Variants in YTHDF3 observed in about 807,000 individuals in gnomAD.
YTHDF3 encodes YTH domain-containing family protein 3.
A neutral mutation model predicts 52.5 loss-of-function variants in YTHDF3; 9 were observed. The ratio of observed to expected loss-of-function variants is 0.17; its 90% confidence interval spans 0.10 to 0.30. YTHDF3 has a LOEUF of 0.30. Among genes scored for constraint, YTHDF3 ranks in the 10% least tolerant of loss-of-function variants. The pLI is 1.00. For missense variants in YTHDF3, 534 were observed against 715.0 expected, an observed-to-expected ratio of 0.75 and a Z score of 2.89; for synonymous variants, 274 against 243.3, an observed-to-expected ratio of 1.13 and a Z score of -1.18.
chr8:63,187,401 C>T lies in YTHDF3; in HGVS notation c.1390C>T (p.Leu464Phe), dbSNP rs1460389250. 3 of 1,613,998 alleles carry T rather than the reference C, an allele frequency of 1.9e-6. No homozygotes were observed. Among genetic ancestry groups the T allele is most frequent in the Non-Finnish European group, 2.5e-6 (3 of 1,179,896 alleles). The change falls in exon 4 of 5, where the codon CTC becomes TTC. Residue 464 changes from leucine (L) to phenylalanine (F), a missense_variant. This residue lies in a region of YTHDF3 where 135 missense variants were observed against 214.2 expected (regional missense o/e 0.63). Coordinates refer to ENST00000539294, the MANE Select transcript of YTHDF3 (RefSeq NM_152758.6). ...GAATGGGAAAGGCCCACTCTATTTA[C>T]TCTTCAGTGTGAATGGCAGTGGACA... Reference protein sequence around the residue: ...SLNGKGPLYLLFSVNGSGHFC... With the variant: ...SLNGKGPLYLFFSVNGSGHFC...
Position 63,211,253 on chromosome 8 carries a change from C to T in YTHDF3, c.*1547C>T, listed in dbSNP as rs931642825. The T allele has an allele frequency of 2.0e-5, 3 of 152,224 alleles. No individual in the cohort carries two copies. The highest frequency in any genetic ancestry group is 4.4e-5 in the Non-Finnish European group (3 of 67,946). The allele number at this position is 152,224 out of a possible 1,614,324, so 9.4% of individuals were successfully genotyped here. ...AAAAAAATACAGTATTTGTAGATAA[C>T]CATAGCTACTACACAGTTCTTCGGT... On this transcript the variant is annotated 3_prime_UTR_variant, in exon 5 of 5. Coordinates refer to ENST00000539294, the MANE Select transcript of YTHDF3 (RefSeq NM_152758.6).
intron 4 of YTHDF3, among the ~76,000 whole-genome samples, chr8:63,194,883 A>G (rs1809137228): frequency 6.6e-6 from 1 of 152,224 alleles, no homozygotes; most frequent in Non-Finnish European, 1.5e-5. Context: ...TGAGGTCTAT[A>G]GTTACCGTAT....
intron 4 of YTHDF3, among the ~76,000 whole-genome samples, chr8:63,193,734 G>C (rs1233547392): frequency 6.6e-6 from 1 of 152,008 alleles, no homozygotes; most frequent in Admixed American, 6.6e-5. Context: ...GAATATAAAG[G>C]CTTACGAAAA....
intron 2 of YTHDF3, among the ~76,000 whole-genome samples, chr8:63,170,861 C>T (rs1213219548): frequency 6.6e-6 from 1 of 152,116 alleles, no homozygotes; most frequent in Non-Finnish European, 1.5e-5. Flanking sequence ...AAAATAGAGC[C>T]TCTACAGCAC....
intron 2 of YTHDF3, among the ~76,000 whole-genome samples, chr8:63,174,854 A>C (rs1807580497): frequency 6.6e-6 from 1 of 152,228 alleles, no homozygotes; most frequent in African/African-American, 2.4e-5. Flanking sequence ...TAAGACATTT[A>C]CTATAACAAA....
At chr8:63,199,941 A>G (rs894168674) in intron 4 of YTHDF3, among the ~76,000 whole-genome samples, 1 of 152,142 alleles carries the variant, frequency 6.6e-6, no homozygotes, top group Non-Finnish European at 1.5e-5. Flanking sequence ...TGTCTCAGTT[A>G]TTTACGACTG....
At position 63,168,750 on chromosome 8, in the gene YTHDF3, T is replaced by C; in HGVS notation, c.-128T>C. The C allele has an allele frequency of 6.5e-7, 1 of 1,540,298 alleles. No individual in the cohort carries two copies. Among genetic ancestry groups the C allele is most frequent in the East Asian group, 2.5e-5 (1 of 40,220 alleles). ...AGCGCGAGGCCCTCATTTTGGGTTCTCAGCGAACGGCGGCAGCGGCGGCGG... is the reference window on the plus strand; with the variant it reads ...AGCGCGAGGCCCTCATTTTGGGTTCCCAGCGAACGGCGGCAGCGGCGGCGG... On this transcript the variant is annotated 5_prime_UTR_variant, in exon 1 of 5. Transcript: ENST00000539294.
At chr8:63,169,962 G>A (rs552740375) in intron 2 of YTHDF3, among the ~76,000 whole-genome samples, 8 of 152,258 alleles carry the variant, frequency 5.3e-5, no homozygotes, top group African/African-American at 1.4e-4. Flanking sequence ...ACTCTATCTG[G>A]TATTTTATAA....
chr8:63,209,836 GT>G lies in YTHDF3; in HGVS notation c.*132del. ...ACATCTTTGAACACTTTAACACAAA[GT>G]TGACTCTTCTCGTAATGGTTTTCAT... On this transcript the variant is annotated 3_prime_UTR_variant, in exon 5 of 5. Transcript: ENST00000539294. The G allele has an allele frequency of 1.1e-6, 1 of 886,782 alleles. No homozygotes were observed. Among genetic ancestry groups the G allele is most frequent in the East Asian group, 2.7e-5 (1 of 36,998 alleles). The allele number at this position is 886,782 out of a possible 1,614,324, so 54.9% of individuals were successfully genotyped here.
chr8:63,186,903 C>G lies in YTHDF3; in HGVS notation c.892C>G (p.Gln298Glu), dbSNP rs1419190017. The change falls in exon 4 of 5, where the codon CAA becomes GAA. Residue 298 changes from glutamine (Q) to glutamate (E), a missense_variant. By Grantham distance (29) the Gln-to-Glu change is conservative. Transcript: ENST00000539294. ...APPTQPVLPP[Q>E]TIIQQPQPLI... ...ACCAACCCAACCAGTTCTGCCTCCT[C>G]AAACTATAATCCAGCAGCCTCAGCC... The G allele has an allele frequency of 2.5e-6, 4 of 1,613,894 alleles. No individual in the cohort carries two copies. The highest frequency in any genetic ancestry group is 3.4e-6 in the Non-Finnish European group (4 of 1,179,910).
chr8:63,173,783 C>T (rs1807502445), intron 2 of YTHDF3: 1 of 551,536 alleles, frequency 1.8e-6, no homozygotes, highest in Non-Finnish European at 2.3e-6. Context: ...GTGGCTATTA[C>T]ATATTTAAAT....
At chr8:63,169,090 C>T (rs1585731445) in intron 1 of YTHDF3, 189 bp downstream of exon 1, 2 of 1,379,496 alleles carry the variant, frequency 1.4e-6, no homozygotes, top group South Asian at 3.4e-5. Flanking sequence ...GGCGGGCGGG[C>T]GCGGTGCCGC....
rs1410749086 is a variant in YTHDF3 at position 63,186,326 on chromosome 8, A to G, written c.315A>G (p.Val105=). Residue 105 remains valine, a synonymous_variant, in exon 4 of 5, where the codon GTA becomes GTG. Coordinates refer to ENST00000539294, the MANE Select transcript of YTHDF3 (RefSeq NM_152758.6). The part of the protein sequence containing the change: ...NGEHHYIPDG[V]FSQPGALGNT... ...AACATCACTATATACCAGATGGTGT[A>G]TTTAGTCAACCTGGGGCATTAGGAA... The G allele has an allele frequency of 1.2e-6, 2 of 1,614,040 alleles. No homozygotes were observed. Among genetic ancestry groups the G allele is most frequent in the Non-Finnish European group, 1.7e-6 (2 of 1,179,898 alleles).
intron 3 of YTHDF3, among the ~76,000 whole-genome samples, chr8:63,184,731 T>C (rs1808386285): frequency 6.6e-6 from 1 of 152,260 alleles, no homozygotes; most frequent in Admixed American, 6.5e-5. Flanking sequence ...TGACTGTCTC[T>C]GTAAATTAGC....
chr8:63,188,697 ATATATT>A (rs1808702942), intron 4 of YTHDF3: 3 of 63,556 alleles, frequency 4.7e-5, no homozygotes, highest in African/African-American at 7.1e-5. Flanking sequence ...ATATATATAT[ATATATT>A]TTTTTTTTTT....
chr8:63,180,521 C>T (rs1369086304), intron 3 of YTHDF3, among the ~76,000 whole-genome samples: 4 of 151,502 alleles, frequency 2.6e-5, no homozygotes, highest in Non-Finnish European at 5.9e-5. Context: ...CTCCTCACAT[C>T]CCAGACGATG....
intron 4 of YTHDF3, among the ~76,000 whole-genome samples, chr8:63,194,116 A>C (rs1470251227): frequency 6.6e-6 from 1 of 152,202 alleles, no homozygotes; most frequent in Non-Finnish European, 1.5e-5. Flanking sequence ...AGACAGTATA[A>C]CAGAATAAAC....
At chr8:63,193,944 A>G (rs1236583764) in intron 4 of YTHDF3, among the ~76,000 whole-genome samples, 1 of 152,130 alleles carries the variant, frequency 6.6e-6, no homozygotes, top group South Asian at 2.1e-4. Context: ...AACATAATCT[A>G]CCTTATAATT....
In YTHDF3 at chr8:63,175,962, C is replaced by T. The variant is rs192040718; in HGVS notation, c.135+546C>T. Among the ~76,000 whole-genome samples, 257 of 152,210 alleles carry T rather than the reference C, an allele frequency of 1.7e-3. 1 individual carries two copies. Among genetic ancestry groups the T allele is most frequent in the Non-Finnish European group, 2.9e-3 (200 of 68,022 alleles). The stretch of plus-strand genomic sequence containing the variant: ...TATAAACATACTTGCTTTATAAACA[C>T]AGTTACTTCTGTATTGTAGACATGG... On this transcript the variant is annotated intron_variant, in intron 3 of 4. Coordinates refer to ENST00000539294, the MANE Select transcript of YTHDF3 (RefSeq NM_152758.6).
Sources: gnomAD v4.1 joint callset for allele counts (sites outside exome capture counted in the v4.1 genomes callset) on GRCh38, gnomAD v4.1.1 for gene constraint, gnomAD v4.1.1 regional missense constraint, MANE v1.5 for transcripts, NCBI Gene and HGNC (gene_info 2026-07-23, HGNC 2026-07-21) for gene names.